ZSCAN2: variants seen among roughly 807,000 people sequenced by gnomAD.
The protein encoded by ZSCAN2 is zinc finger and SCAN domain-containing protein 2.
Under a neutral mutation model 47.8 loss-of-function variants are expected in ZSCAN2, and 26 were observed. That is an observed-to-expected ratio of 0.54 (90% CI 0.40 to 0.75). The LOEUF (loss-of-function observed/expected upper bound fraction) is 0.75, where lower values mean the gene tolerates loss of function less well. Ranked by LOEUF, ZSCAN2 falls within the 30% of genes least tolerant of loss-of-function variation. The pLI is 0.00. For missense variants in ZSCAN2, 732 were observed against 785.4 expected (o/e 0.93, Z 0.81); for synonymous variants, 305 against 288.7 (o/e 1.06, Z -0.57).
intron 2 of ZSCAN2, among the ~76,000 whole-genome samples, chr15:84,615,620 G>T (rs764782904): frequency 9.9e-5 from 15 of 152,152 alleles, no homozygotes; most frequent in African/African-American, 3.4e-4. Context: ...CTGAGCCAAC[G>T]CGCCTGGCCC....
Position 84,621,589 on chromosome 15 carries a change from A to T in ZSCAN2, c.1394A>T (p.Gln465Leu), listed in dbSNP as rs200692065. 6.2e-7 allele frequency: 1 copy of T among 1,614,066 alleles called. No individual in the cohort carries two copies. Among genetic ancestry groups the T allele is most frequent in the African/African-American group, 1.3e-5 (1 of 75,002 alleles). Reference sequence around the variant, plus strand: ...CAGAGCTCCAGTCTGATTGCACACCAGGGCATGCACACAGGGGAGAAACCC... The same window carrying T: ...CAGAGCTCCAGTCTGATTGCACACCTGGGCATGCACACAGGGGAGAAACCC... The part of the protein sequence containing the change: ...FSQSSSLIAH[Q>L]GMHTGEKPYE... The change falls in exon 3 of 3, where the codon CAG (glutamine) becomes CTG (leucine). Residue 465 changes from glutamine (Q) to leucine (L), a missense_variant. Coordinates refer to ENST00000546148, the MANE Select transcript of ZSCAN2 (RefSeq NM_181877.4). This position sits in a 1 kb window ranked among gnomAD's most constrained non-coding sequence, Gnocchi z 5.7.
At chr15:84,620,554 A>C in intron 2 of ZSCAN2, 48 bp from the exon 3 acceptor site, 1 of 1,476,474 alleles carries the variant, frequency 6.8e-7, no homozygotes, top group Non-Finnish European at 9.2e-7. Context: ...TTTTGTCATC[A>C]TGACAGGGAG....
chr15:84,615,315 C>G (rs577311035), intron 2 of ZSCAN2, among the ~76,000 whole-genome samples: 1 of 152,030 alleles, frequency 6.6e-6, no homozygotes, highest in South Asian at 2.1e-4. Context: ...ACTGATTCTC[C>G]TTTTGCCTAA....
Position 84,620,783 on chromosome 15 carries a change from C to T in ZSCAN2, c.588C>T (p.His196=), listed in dbSNP as rs372067922. The change falls in exon 3 of 3, where the codon CAC becomes CAT. Residue 196 remains histidine, a synonymous_variant. Transcript: ENST00000546148. ...RLQGHSPGED[H]GEVVSQDREV... ...AGGGACACAGCCCAGGTGAGGACCA[C>T]GGGGAGGTGGTTTCTCAGGACAGGG... The T allele has an allele frequency of 1.6e-5, 26 of 1,614,032 alleles. No homozygotes were observed. Among genetic ancestry groups the T allele is most frequent in the South Asian group, 4.4e-5 (4 of 91,082 alleles).
intron 2 of ZSCAN2, among the ~76,000 whole-genome samples, chr15:84,617,069 C>G (rs1368366080): frequency 1.3e-5 from 2 of 151,784 alleles, no homozygotes; most frequent in African/African-American, 4.8e-5. Flanking sequence ...TTGCGGGGAG[C>G]CAGGATCGCG....
At chr15:84,612,554 G>C (rs1356878110) in intron 2 of ZSCAN2, among the ~76,000 whole-genome samples, 1 of 152,194 alleles carries the variant, frequency 6.6e-6, no homozygotes, top group Non-Finnish European at 1.5e-5. Flanking sequence ...CTAACACGGT[G>C]AAACCCTGTC....
chr15:84,604,075 G>A lies in ZSCAN2; in HGVS notation c.148G>A (p.Gly50Ser), dbSNP rs775440062. 1 of 1,614,174 alleles carries A rather than the reference G, an allele frequency of 6.2e-7. No individual in the cohort carries two copies. Among genetic ancestry groups the A allele is most frequent in the East Asian group, 2.2e-5 (1 of 44,878 alleles). Residue 50 changes from glycine to serine, a missense_variant, in exon 2 of 3, where the codon GGC becomes AGC. Around this residue, in one of 2 missense-constraint regions of ZSCAN2, gnomAD observed 320 missense variants for 287.4 expected, o/e 1.11. Transcript: ENST00000546148. ...WVQEAVLQED[G>S]PESEPFPQSA... ...GCAAGAAGCTGTGCTGCAGGAGGATGGCCCTGAGTCTGAGCCCTTTCCCCA... is the reference window on the plus strand; with the variant it reads ...GCAAGAAGCTGTGCTGCAGGAGGATAGCCCTGAGTCTGAGCCCTTTCCCCA...
intron 2 of ZSCAN2, among the ~76,000 whole-genome samples, chr15:84,613,716 C>T (rs183648823): frequency 3.3e-5 from 5 of 151,572 alleles, no homozygotes; most frequent in Admixed American, 2.6e-4. Context: ...AGTCTGTCAC[C>T]CAGGCTGGAG....
intron 2 of ZSCAN2, chr15:84,606,998 C>G: frequency 2.5e-6 from 1 of 405,568 alleles, no homozygotes; most frequent in Non-Finnish European, 3.3e-6. Flanking sequence ...GACACATTCA[C>G]CCAGCACAGG....
rs1233226342 is a variant in ZSCAN2 at position 84,621,613 on chromosome 15, C to T, written c.1418C>T (p.Pro473Leu). ...AHQGMHTGEK[P>L]YECLTCGESF... ...CAGGGCATGCACACAGGGGAGAAACCCTACGAGTGCCTGACATGTGGGGAG... is the reference window on the plus strand; with the variant it reads ...CAGGGCATGCACACAGGGGAGAAACTCTACGAGTGCCTGACATGTGGGGAG... Residue 473 changes from proline to leucine, a missense_variant, in exon 3 of 3, where the codon CCC becomes CTC. By Grantham distance (98) the Pro-to-Leu change is moderately conservative (BLOSUM62 -3). This residue lies in a region of ZSCAN2 where 412 missense variants were observed against 498.0 expected (regional missense o/e 0.83). Coordinates refer to ENST00000546148, the MANE Select transcript of ZSCAN2 (RefSeq NM_181877.4). The surrounding 1 kb of genome is among the most constrained non-coding windows in gnomAD (Gnocchi z 5.7). The T allele has an allele frequency of 1.1e-5, 17 of 1,613,942 alleles. No homozygotes were observed. In the Admixed American group the frequency reaches 2.8e-4, roughly 27 times the overall value.
rs1567005824 is a variant in ZSCAN2 at position 84,604,064 on chromosome 15, T to C, written c.137T>C (p.Leu46Pro). The C allele has an allele frequency of 6.2e-7, 1 of 1,614,144 alleles. No individual in the cohort carries two copies. ...GACTCCTGGGTGCAAGAAGCTGTGC[T>C]GCAGGAGGATGGCCCTGAGTCTGAG... ...EDDSWVQEAVLQEDGPESEPF... is the reference protein window; with the variant it reads ...EDDSWVQEAVPQEDGPESEPF... Residue 46 changes from leucine (L) to proline (P), a missense_variant, in exon 2 of 3, where the codon CTG becomes CCG. Coordinates refer to ENST00000546148, the MANE Select transcript of ZSCAN2 (RefSeq NM_181877.4).
Position 84,613,981 on chromosome 15 carries a change from C to CTTTTTT in ZSCAN2, c.407-6601_407-6596dup, listed in dbSNP as rs35815000. ...AGGTGTGAGCCACTGCTCTTGGCCTCTTTTTTTTTTTTTTTTTTTTTTTTT... is the reference window on the plus strand; with the variant it reads ...AGGTGTGAGCCACTGCTCTTGGCCTCTTTTTTTTTTTTTTTTTTTTTTTTTTTTTTT... On this transcript the variant is annotated intron_variant, in intron 2 of 2. Transcript: ENST00000546148. 1.5e-3 allele frequency among the ~76,000 whole-genome samples: 78 copies of CTTTTTT among 52,336 alleles called. 19 individuals carry two copies. The highest frequency in any genetic ancestry group is 4.9e-3 in the African/African-American group (64 of 13,156). The allele number at this position is 52,336 out of a possible 152,430, so 34.3% of individuals were successfully genotyped here. A position where few individuals can be genotyped will look rare whatever the true frequency, so the allele number is the denominator to read the frequency against.
Position 84,604,126 on chromosome 15 carries a change from G to C in ZSCAN2, c.199G>C (p.Glu67Gln). The C allele has an allele frequency of 6.2e-7, 1 of 1,613,966 alleles. No homozygotes were observed. The highest frequency in any genetic ancestry group is 8.5e-7 in the Non-Finnish European group (1 of 1,179,942). ...GAGTGCTGGCAAGGGCGGCCCCCAGGAGGAGGTGACCAGGGGACCACAGGG... is the reference window on the plus strand; with the variant it reads ...GAGTGCTGGCAAGGGCGGCCCCCAGCAGGAGGTGACCAGGGGACCACAGGG... The part of the protein sequence containing the change: ...PQSAGKGGPQ[E>Q]EVTRGPQGAL... Residue 67 changes from glutamate (E) to glutamine (Q), a missense_variant, in exon 2 of 3, where the codon GAG becomes CAG. By Grantham distance (29) the Glu-to-Gln change is conservative. Coordinates refer to ENST00000546148, the MANE Select transcript of ZSCAN2 (RefSeq NM_181877.4).
In ZSCAN2 at chr15:84,621,623, C is replaced by T. The variant is rs773459434; in HGVS notation, c.1428C>T (p.Cys476=). 5.6e-6 allele frequency: 9 copies of T among 1,613,728 alleles called. No individual in the cohort carries two copies. Among genetic ancestry groups the T allele is most frequent in the Non-Finnish European group, 7.6e-6 (9 of 1,179,976 alleles). The change falls in exon 3 of 3, where the codon TGC becomes TGT. Residue 476 remains cysteine, a synonymous_variant. Transcript: ENST00000546148. The surrounding 1 kb of genome is among the most constrained non-coding windows in gnomAD (Gnocchi z 5.7). ...ACACAGGGGAGAAACCCTACGAGTG[C>T]CTGACATGTGGGGAGAGCTTCAGCT... The part of the protein sequence containing the change: ...GMHTGEKPYE[C]LTCGESFSWS...
At chr15:84,617,900 A>C (rs942385190) in intron 2 of ZSCAN2, among the ~76,000 whole-genome samples, 3 of 152,180 alleles carry the variant, frequency 2.0e-5, no homozygotes, top group Non-Finnish European at 2.9e-5. Context: ...CGATCTCGCT[A>C]CTGTACTACC....
At chr15:84,614,243 C>T (rs915430596) in intron 2 of ZSCAN2, among the ~76,000 whole-genome samples, 1 of 152,056 alleles carries the variant, frequency 6.6e-6, no homozygotes, top group African/African-American at 2.4e-5. Context: ...CCTCTCACCT[C>T]AGCCATCCAA....
rs747968928 is a variant in ZSCAN2, at chr15:84,622,688, GCCAGTGTC to G, written c.*658_*665del. The stretch of plus-strand genomic sequence containing the variant: ...GAAACTTGAGGAAGTACAGCCTGGA[GCCAGTGTC>G]CCAGTGTCCTTTCCATTGGTAAGAG... On this transcript the variant is annotated 3_prime_UTR_variant, in exon 3 of 3. Transcript: ENST00000546148. The G allele has an allele frequency of 1.8e-4, 129 of 717,412 alleles. 2 individuals are homozygous for G. The South Asian group carries it at 1.9e-3, about 10-fold the overall frequency. The allele number at this position is 717,412 out of a possible 1,614,324, so 44.4% of individuals were successfully genotyped here.
At chr15:84,602,587 C>CTTTTTTTTTTTTTTTTTTTTT (rs981357914) in intron 1 of ZSCAN2, among the ~76,000 whole-genome samples, 1 of 115,744 alleles carries the variant, frequency 8.6e-6, no homozygotes, top group African/African-American at 3.2e-5. Context: ...CTTTTCTTTT[C>CTTTTTTTTTTTTTTTTTTTTT]TTTTTTTTTT....
chr15:84,601,020 A>G lies in ZSCAN2; in HGVS notation c.-224A>G, dbSNP rs1436377588. The G allele has an allele frequency of 6.6e-6, 1 of 151,970 alleles. No homozygotes were observed. Among genetic ancestry groups the G allele is most frequent in the African/African-American group, 2.4e-5 (1 of 41,346 alleles). The allele number at this position is 151,970 out of a possible 1,614,324, so 9.4% of individuals were successfully genotyped here. ...GGCGGTGGGCGGGCCTCTCCCGTCCATTGTTCTCGGTGCCCCACGGGCTTG... is the reference window on the plus strand; with the variant it reads ...GGCGGTGGGCGGGCCTCTCCCGTCCGTTGTTCTCGGTGCCCCACGGGCTTG... On this transcript the variant is annotated 5_prime_UTR_variant, in exon 1 of 3. Transcript: ENST00000546148.
Sources: allele counts gnomAD v4.1 joint callset (sites outside exome capture counted in the v4.1 genomes callset), GRCh38; gene constraint gnomAD v4.1.1; regional missense constraint gnomAD v4.1.1; non-coding constraint Gnocchi (gnomAD v3.1); transcripts MANE v1.5; gene names NCBI Gene and HGNC (gene_info 2026-07-23, HGNC 2026-07-21).